Variants in DGKI observed in about 807,000 individuals in gnomAD.
The protein encoded by DGKI is diacylglycerol kinase iota.
In DGKI, 55 loss-of-function variants were observed where a neutral mutation model predicts 147.5. The observed-to-expected ratio is 0.37, with a 90% CI of 0.30 to 0.47. DGKI has a LOEUF of 0.47. DGKI is among the 20% of genes least tolerant of loss of function. The pLI, the probability that DGKI is intolerant of heterozygous loss-of-function variation, is 1.00. For missense variants in DGKI, 1,007 were observed against 1,323.8 expected, an observed-to-expected ratio of 0.76 and a Z score of 3.71; for synonymous variants, 469 against 477.1, an observed-to-expected ratio of 0.98 and a Z score of 0.22.
At chr7:137,465,223 T>C (rs546933647) in intron 26 of DGKI, among the ~76,000 whole-genome samples, 3 of 152,324 alleles carry the variant, frequency 2.0e-5, no homozygotes, top group South Asian at 2.1e-4. Flanking sequence ...AGGATAATTG[T>C]ACCAAATTTT....
intron 19 of DGKI, among the ~76,000 whole-genome samples, 199 bp from the exon 20 acceptor site, chr7:137,552,767 A>T (rs1266195268): frequency 6.6e-6 from 1 of 151,750 alleles, no homozygotes; most frequent in Non-Finnish European, 1.5e-5. Context: ...AAAAAAAAAA[A>T]AGCTGGGCAT....
At chr7:137,700,071 C>T (rs1563156498) in intron 1 of DGKI, among the ~76,000 whole-genome samples, 1 of 152,196 alleles carries the variant, frequency 6.6e-6, no homozygotes, top group Non-Finnish European at 1.5e-5. Flanking sequence ...AAAGACCTAA[C>T]TACCTACTTC....
chr7:137,386,593 C>A lies in DGKI; in HGVS notation c.*4627G>T, dbSNP rs2351137. On this transcript the variant is annotated 3_prime_UTR_variant, in exon 33 of 33. Transcript: ENST00000614521. ...TATCTGGGGAAGATTTTTGCAACTG[C>A]GTGACAAAATTATTGACAGTAGTAG... is the stretch of plus-strand genomic sequence containing the variant. 1 of 151,796 alleles carries A rather than the reference C, an allele frequency of 6.6e-6. No individual in the cohort carries two copies. Among genetic ancestry groups the A allele is most frequent in the Non-Finnish European group, 1.5e-5 (1 of 67,938 alleles). The allele number at this position is 151,796 out of a possible 1,614,324, so 9.4% of individuals were successfully genotyped here. A position where few individuals can be genotyped will look rare whatever the true frequency, so the allele number is the denominator to read the frequency against.
intron 1 of DGKI, among the ~76,000 whole-genome samples, chr7:137,837,609 T>C (rs1194822915): frequency 6.6e-6 from 1 of 152,222 alleles, no homozygotes; most frequent in Non-Finnish European, 1.5e-5. Flanking sequence ...AGTGCCCCTC[T>C]AGAAAGAGAC....
intron 19 of DGKI, 40 bp downstream of exon 19, chr7:137,571,135 A>G (rs1818779654): frequency 6.9e-7 from 1 of 1,457,682 alleles, no homozygotes; most frequent in South Asian, 1.3e-5. Context: ...CTCTGTGACT[A>G]AAATACATTT....
intron 1 of DGKI, among the ~76,000 whole-genome samples, chr7:137,799,090 T>C (rs1183310511): frequency 1.3e-5 from 2 of 152,136 alleles, no homozygotes; most frequent in African/African-American, 2.4e-5. Context: ...TTTTCTCTCT[T>C]AGATAAGGCA....
intron 27 of DGKI, among the ~76,000 whole-genome samples, chr7:137,458,219 A>C (rs1412602386): frequency 6.6e-6 from 1 of 152,190 alleles, no homozygotes; most frequent in Non-Finnish European, 1.5e-5. Flanking sequence ...CATTATAGTT[A>C]AACATTTGAT....
chr7:137,662,638 C>T (rs564049293), intron 3 of DGKI, among the ~76,000 whole-genome samples: 4 of 152,206 alleles, frequency 2.6e-5, no homozygotes, highest in East Asian at 1.9e-4. Flanking sequence ...GCCACATGTC[C>T]GGAGGAGTCT....
intron 28 of DGKI, among the ~76,000 whole-genome samples, chr7:137,435,843 G>A (rs767573699): frequency 3.9e-5 from 6 of 152,106 alleles, no homozygotes; most frequent in Non-Finnish European, 5.9e-5. Flanking sequence ...ACAGTGGCAC[G>A]ATCTCGGCTC....
At chr7:137,621,606 C>G (rs1820749887) in intron 7 of DGKI, among the ~76,000 whole-genome samples, 1 of 152,110 alleles carries the variant, frequency 6.6e-6, no homozygotes, top group Middle Eastern at 3.2e-3. Context: ...TCTTTTGTAC[C>G]TATTATCCTT....
rs117126525 is a variant in DGKI, at chr7:137,534,799, A to G, written c.2148-12833T>C. On this transcript the variant is annotated intron_variant, in intron 20 of 32. Coordinates refer to ENST00000614521, the MANE Select transcript of DGKI (RefSeq NM_001321708.2). ...TATGTACTAAGTTATCTGTCCCCCAAATTGGTAAGTTGAAGTTCTAACCCA... is the reference window on the plus strand; with the variant it reads ...TATGTACTAAGTTATCTGTCCCCCAGATTGGTAAGTTGAAGTTCTAACCCA... Among the ~76,000 whole-genome samples the G allele has an allele frequency of 1.1e-3, 161 of 152,264 alleles. 1 individual carries two copies. Among genetic ancestry groups the G allele is most frequent in the Non-Finnish European group, 2.1e-3 (143 of 68,012 alleles).
At chr7:137,555,500 T>C (rs1818195408) in intron 19 of DGKI, among the ~76,000 whole-genome samples, 1 of 151,956 alleles carries the variant, frequency 6.6e-6, no homozygotes, top group African/African-American at 2.4e-5. Context: ...CACTCCAGCC[T>C]GGCAATAGAG....
intron 1 of DGKI, among the ~76,000 whole-genome samples, chr7:137,707,211 T>C (rs1163042377): frequency 6.6e-6 from 1 of 152,206 alleles, no homozygotes; most frequent in African/African-American, 2.4e-5. Context: ...GGTCTGCTTA[T>C]CGTAAGTACC....
At chr7:137,528,541 G>A (rs1377653792) in intron 20 of DGKI, among the ~76,000 whole-genome samples, 1 of 152,162 alleles carries the variant, frequency 6.6e-6, no homozygotes, top group Non-Finnish European at 1.5e-5. Context: ...TGGAAGTTGA[G>A]TAAGTTCTCA....
At chr7:137,426,971 G>C (rs1337398540) in intron 28 of DGKI, among the ~76,000 whole-genome samples, 1 of 150,452 alleles carries the variant, frequency 6.6e-6, no homozygotes, top group African/African-American at 2.4e-5. Context: ...ACACCCCACT[G>C]TCAACATTAG....
chr7:137,679,419 T>C (rs74979938), intron 2 of DGKI, among the ~76,000 whole-genome samples: 2 of 150,674 alleles, frequency 1.3e-5, no homozygotes, highest in South Asian at 2.1e-4. Context: ...TTTTTTTTTT[T>C]AATCGTACGA....
intron 12 of DGKI, among the ~76,000 whole-genome samples, chr7:137,590,196 C>A (rs992334257): frequency 3.9e-5 from 6 of 152,256 alleles, no homozygotes; most frequent in African/African-American, 1.4e-4. Flanking sequence ...GTGTGCCCTA[C>A]TGACAGCAAG....
At chr7:137,460,366 C>T (rs1814388828) in intron 27 of DGKI, among the ~76,000 whole-genome samples, 1 of 152,158 alleles carries the variant, frequency 6.6e-6, no homozygotes. Context: ...CAATTTATAG[C>T]ATATGTATGA....
chr7:137,381,496 C>T lies in DGKI; in HGVS notation c.*9724G>A, dbSNP rs577010845. 2 of 151,890 alleles carry T rather than the reference C, an allele frequency of 1.3e-5. No individual in the cohort carries two copies. The highest frequency in any genetic ancestry group is 4.2e-4 in the South Asian group (2 of 4,806). The allele number at this position is 151,890 out of a possible 1,614,324, so 9.4% of individuals were successfully genotyped here. A position where few individuals can be genotyped will look rare whatever the true frequency, so the allele number is the denominator to read the frequency against. Reference sequence around the variant, plus strand: ...AAAGCCCTTTATAATGTGACTGCAACTCTTCATACAGATGTAGCCTTTGCG... The same window carrying T: ...AAAGCCCTTTATAATGTGACTGCAATTCTTCATACAGATGTAGCCTTTGCG... On this transcript the variant is annotated 3_prime_UTR_variant, in exon 33 of 33. Coordinates refer to ENST00000614521, the MANE Select transcript of DGKI (RefSeq NM_001321708.2).
Sources: allele counts gnomAD v4.1 joint callset (sites outside exome capture counted in the v4.1 genomes callset), GRCh38; gene constraint gnomAD v4.1.1; transcripts MANE v1.5; gene names NCBI Gene and HGNC (gene_info 2026-07-23, HGNC 2026-07-21).